Variants in HMGCLL1 observed in about 807,000 individuals in gnomAD.
HMGCLL1 encodes the protein 3-hydroxy-3-methylglutaryl-CoA lyase like 1, also known as 3-hydroxymethyl-3-methylglutaryl-CoA lyase, cytoplasmic.
In HMGCLL1, 36 loss-of-function variants were observed where a neutral mutation model predicts 39.1. The ratio of observed to expected loss-of-function variants is 0.92; its 90% confidence interval spans 0.71 to 1.22. The LOEUF (loss-of-function observed/expected upper bound fraction) is 1.22. Among genes scored for constraint, HMGCLL1 ranks in the 50% most tolerant of loss-of-function variants. The pLI, the probability that HMGCLL1 is intolerant of heterozygous loss-of-function variation, is 0.00. For synonymous variants in HMGCLL1, 149 were observed against 144.0 expected, an observed-to-expected ratio of 1.03 and a Z score of -0.25; for missense variants, 451 against 416.5, an observed-to-expected ratio of 1.08 and a Z score of -0.72.
chr6:55,589,260 C>A, the HMGCLL1 span, among the ~76,000 whole-genome samples: 49 of 152,274 alleles, frequency 3.2e-4, no homozygotes, highest in Admixed American at 2.4e-3. Context: ...ATACACAAAT[C>A]AACAAACGTA....
At chr6:55,522,937 A>G (rs1001229536) in intron 3 of HMGCLL1, among the ~76,000 whole-genome samples, 5 of 152,018 alleles carry the variant, frequency 3.3e-5, no homozygotes, top group Non-Finnish European at 7.4e-5. Flanking sequence ...AGTTCAGAGG[A>G]GGATCTAAAA....
intron 3 of HMGCLL1, among the ~76,000 whole-genome samples, chr6:55,518,989 G>C (rs1767892017): frequency 1.3e-5 from 2 of 152,182 alleles, no homozygotes; most frequent in South Asian, 2.1e-4. Context: ...GGAAAAGAAA[G>C]ACGGACGGTT....
the HMGCLL1 span, among the ~76,000 whole-genome samples, chr6:55,628,038 T>A: frequency 6.2e-3 from 2 of 324 alleles, no homozygotes; most frequent in Non-Finnish European, 7.6e-3. Flanking sequence ...TATAGTATAT[T>A]TTATATATAT....
the HMGCLL1 span, among the ~76,000 whole-genome samples, chr6:55,644,248 G>C: frequency 6.6e-6 from 1 of 151,890 alleles, no homozygotes; most frequent in Non-Finnish European, 1.5e-5. Context: ...ACAGTTGTTA[G>C]ATTTTTTCCT....
intron 7 of HMGCLL1, among the ~76,000 whole-genome samples, chr6:55,495,035 A>C (rs1766501669): frequency 6.6e-6 from 1 of 152,196 alleles, no homozygotes; most frequent in African/African-American, 2.4e-5. Context: ...CAAAGAAAGC[A>C]TTGTTTCATG....
chr6:55,509,756 AT>A (rs1273647483), intron 5 of HMGCLL1, among the ~76,000 whole-genome samples: 1 of 151,942 alleles, frequency 6.6e-6, no homozygotes, highest in African/African-American at 2.4e-5. Flanking sequence ...CATCAAAGGA[AT>A]TCTTCACGAT....
chr6:55,438,650 G>A (rs10948922), intron 8 of HMGCLL1, among the ~76,000 whole-genome samples: 49,474 of 151,886 alleles, frequency 0.33, 8,412 homozygotes, highest in East Asian at 0.37. Context: ...CAGAACTGTA[G>A]ACTAGAAGCA....
intron 7 of HMGCLL1, among the ~76,000 whole-genome samples, chr6:55,446,774 T>G (rs1763861048): frequency 2.0e-5 from 3 of 151,962 alleles, no homozygotes; most frequent in Non-Finnish European, 2.9e-5. Flanking sequence ...AAAATCATCT[T>G]GCAAAATTTC....
intron 1 of HMGCLL1, among the ~76,000 whole-genome samples, chr6:55,545,105 A>G (rs1170983002): frequency 6.6e-6 from 1 of 151,980 alleles, no homozygotes; most frequent in Non-Finnish European, 1.5e-5. Flanking sequence ...ATCTTAAGCC[A>G]TGTGGTCTCA....
chr6:55,501,103 G>T (rs1399893679), intron 5 of HMGCLL1, among the ~76,000 whole-genome samples: 2 of 83,640 alleles, frequency 2.4e-5, no homozygotes, highest in African/African-American at 8.4e-5. Flanking sequence ...GTGTTTCTGA[G>T]ATCTTCACAC....
chr6:55,564,472 T>C (rs1771115507), intron 1 of HMGCLL1, among the ~76,000 whole-genome samples: 1 of 152,102 alleles, frequency 6.6e-6, no homozygotes, highest in Non-Finnish European at 1.5e-5. Context: ...ACATGTGCCA[T>C]GTTGGTGTTC....
At chr6:55,635,237 T>C in the HMGCLL1 span, among the ~76,000 whole-genome samples, 1 of 152,120 alleles carries the variant, frequency 6.6e-6, no homozygotes, top group South Asian at 2.1e-4. Context: ...AGCTTATCTC[T>C]CTGTCCATAT....
At chr6:55,558,418 A>T (rs78322618) in intron 1 of HMGCLL1, among the ~76,000 whole-genome samples, 3,602 of 152,208 alleles carry the variant, frequency 0.024, 135 homozygotes, top group African/African-American at 0.083. Flanking sequence ...CTATCCCCAT[A>T]TTCTCTCATA....
At chr6:55,559,055 C>T (rs1475745947) in intron 1 of HMGCLL1, among the ~76,000 whole-genome samples, 5 of 152,064 alleles carry the variant, frequency 3.3e-5, no homozygotes, top group African/African-American at 1.2e-4. Context: ...ATTTTGACTT[C>T]TCAGAGGCAC....
chr6:55,543,429 C>G (rs1400571933), intron 1 of HMGCLL1, among the ~76,000 whole-genome samples: 2 of 55,084 alleles, frequency 3.6e-5, no homozygotes, highest in African/African-American at 9.3e-5. Flanking sequence ...TGATATATAT[C>G]ATATATCATA....
chr6:55,592,861 G>T, the HMGCLL1 span, among the ~76,000 whole-genome samples: 1 of 152,046 alleles, frequency 6.6e-6, no homozygotes, highest in African/African-American at 2.4e-5. Context: ...CCAACACATG[G>T]CTAGTAAGTA....
At chr6:55,598,943 A>T in the HMGCLL1 span, among the ~76,000 whole-genome samples, 1 of 152,226 alleles carries the variant, frequency 6.6e-6, no homozygotes, top group Non-Finnish European at 1.5e-5. Context: ...ATAAAAAAGG[A>T]TGAGTTCATG....
intron 8 of HMGCLL1, among the ~76,000 whole-genome samples, chr6:55,437,857 G>C (rs991861198): frequency 1.3e-5 from 2 of 152,036 alleles, no homozygotes; most frequent in African/African-American, 2.4e-5. Context: ...AGCAGAGGTA[G>C]TAAGGGAAGG....
chr6:55,509,987 T>C (rs563122460), intron 5 of HMGCLL1, among the ~76,000 whole-genome samples: 1 of 151,954 alleles, frequency 6.6e-6, no homozygotes. Flanking sequence ...TATGACATTA[T>C]CACACCTGAC....
Sources: allele counts gnomAD v4.1 joint callset (sites outside exome capture counted in the v4.1 genomes callset), GRCh38; gene constraint gnomAD v4.1.1; transcripts MANE v1.5; gene names NCBI Gene and HGNC (gene_info 2026-07-23, HGNC 2026-07-21).